ANK2: variants seen among roughly 807,000 people sequenced by gnomAD.
ANK2 encodes ankyrin 2.
Under a neutral mutation model 360.5 loss-of-function variants are expected in ANK2, and 83 were observed. That is an observed-to-expected ratio of 0.23 (90% CI 0.19 to 0.28). The LOEUF is 0.28. ANK2 is among the 10% of genes least tolerant of loss of function. The pLI, the probability that ANK2 is intolerant of heterozygous loss-of-function variation, is 1.00. For synonymous variants in ANK2, 1,740 were observed against 1,759.5 expected (o/e 0.99, Z 0.28); for missense variants, 4,201 against 4,795.7 (o/e 0.88, Z 3.66).
intron 23 of ANK2, among the ~76,000 whole-genome samples, chr4:113,306,426 C>T (rs897807193): frequency 1.3e-5 from 2 of 152,156 alleles, no homozygotes; most frequent in African/African-American, 4.8e-5. Flanking sequence ...ACATACCAGG[C>T]TCAGTTGTGG....
chr4:113,023,561 T>C (rs2058626751), intron 2 of ANK2, among the ~76,000 whole-genome samples: 1 of 152,274 alleles, frequency 6.6e-6, no homozygotes. Flanking sequence ...AGAGGTATTG[T>C]GTCTGACCAC....
the ANK2 span, among the ~76,000 whole-genome samples, chr4:112,765,676 G>A: frequency 1.2e-4 from 11 of 88,110 alleles, no homozygotes; most frequent in East Asian, 2.2e-3. Context: ...TTTTTTTTCC[G>A]TTCAGGACTT....
chr4:112,825,414 C>G (rs771467145), intron 1 of ANK2, among the ~76,000 whole-genome samples: 2 of 152,124 alleles, frequency 1.3e-5, no homozygotes, highest in Non-Finnish European at 2.9e-5. Flanking sequence ...TCATTCAAGA[C>G]CCAGTATTAT....
chr4:113,367,521 A>G lies in ANK2; in HGVS notation c.11033-45A>G, dbSNP rs911980356. On this transcript the variant is annotated intron_variant, in intron 41 of 45. Coordinates refer to ENST00000357077, the MANE Select transcript of ANK2 (RefSeq NM_001148.6). The stretch of plus-strand genomic sequence containing the variant: ...TTATTACTTAATAAATATCCATTCA[A>G]TATAGGTAAGCTTCAACTAAATACT... 7.0e-6 allele frequency: 11 copies of G among 1,577,908 alleles called. No homozygotes were observed. The African/African-American group carries it at 9.5e-5, about 14-fold the overall frequency.
intron 1 of ANK2, among the ~76,000 whole-genome samples, chr4:113,144,521 C>A (rs1326138184): frequency 2.0e-5 from 3 of 151,814 alleles, no homozygotes; most frequent in African/African-American, 4.8e-5. Context: ...TTCTAAATAT[C>A]TTCCACATCC....
chr4:113,069,598 GA>G (rs1425326632), intron 1 of ANK2, among the ~76,000 whole-genome samples: 1 of 152,152 alleles, frequency 6.6e-6, no homozygotes, highest in African/African-American at 2.4e-5. Context: ...GCTACCAAAT[GA>G]AACTAAATAG....
chr4:112,861,041 T>C (rs2067836260), intron 1 of ANK2, among the ~76,000 whole-genome samples: 1 of 152,204 alleles, frequency 6.6e-6, no homozygotes, highest in Non-Finnish European at 1.5e-5. Flanking sequence ...AGAAGAACTA[T>C]GCTTTGCTGA....
chr4:113,076,608 A>G (rs891364320), intron 1 of ANK2, among the ~76,000 whole-genome samples: 9 of 152,030 alleles, frequency 5.9e-5, no homozygotes, highest in Non-Finnish European at 1.2e-4. Flanking sequence ...CCAGCCTGGG[A>G]AGCATAACGA....
At chr4:112,991,857 T>A (rs2046948911) in intron 2 of ANK2, among the ~76,000 whole-genome samples, 1 of 151,972 alleles carries the variant, frequency 6.6e-6, no homozygotes, top group Non-Finnish European at 1.5e-5. Flanking sequence ...AAGTTTTTTT[T>A]TTTCCACTAT....
rs761925962 is a variant in ANK2 at position 113,278,546 on chromosome 4, T to A, written c.1869T>A (p.His623Gln). 4 of 1,613,830 alleles carry A rather than the reference T, an allele frequency of 2.5e-6. No homozygotes were observed. In the South Asian group the frequency reaches 4.4e-5, roughly 18 times the overall value. The change falls in exon 17 of 46, where the codon CAT becomes CAA. Residue 623 changes from histidine to glutamine, a missense_variant. Around this residue, in one of 4 missense-constraint regions of ANK2, gnomAD observed 1,268 missense variants for 1,650.8 expected, o/e 0.77. Transcript: ENST00000357077. ...LLLLEKGASP[H>Q]ATAKNGYTPL... ...TACTGGAGAAGGGTGCTTCCCCTCA[T>A]GCCACTGCCAAGGTGAGGACCACAG...
chr4:113,090,525 G>A (rs1233756048), intron 1 of ANK2, among the ~76,000 whole-genome samples: 2 of 152,082 alleles, frequency 1.3e-5, no homozygotes, highest in Non-Finnish European at 2.9e-5. Context: ...AAGATTAAAA[G>A]CTTTGAGTTT....
Position 112,920,415 on chromosome 4 carries a change from CA to C in ANK2, c.21+15907del, listed in dbSNP as rs554496731. Among the ~76,000 whole-genome samples, 14 of 152,008 alleles carry C rather than the reference CA, an allele frequency of 9.2e-5. 1 individual carries two copies. The highest frequency in any genetic ancestry group is 9.2e-4 in the Admixed American group (14 of 15,264). On this transcript the variant is annotated intron_variant, in intron 2 of 30. Transcript: ENST00000503271. ...TAGCCAAATAAAGTGTGTTTTCTAT[CA>C]AAAAACCAGTTAGGAAATAATAAAT...
chr4:112,852,627 A>G (rs1375630471), intron 1 of ANK2, among the ~76,000 whole-genome samples: 6 of 152,226 alleles, frequency 3.9e-5, no homozygotes, highest in Admixed American at 3.9e-4. Context: ...AAAAACAACA[A>G]ACATTTCTTC....
chr4:112,904,407 T>C, intron 1 of ANK2: 2 of 1,103,340 alleles, frequency 1.8e-6, no homozygotes, highest in South Asian at 3.3e-5. Flanking sequence ...TAATGATAAA[T>C]TGAAATGATT....
the ANK2 span, among the ~76,000 whole-genome samples, chr4:112,809,510 G>A: frequency 6.9e-6 from 1 of 144,274 alleles, no homozygotes; most frequent in Non-Finnish European, 1.5e-5. Context: ...GCAGTGAGCC[G>A]AGATCTCGCC....
chr4:112,768,256 T>C, the ANK2 span, among the ~76,000 whole-genome samples: 1 of 152,298 alleles, frequency 6.6e-6, no homozygotes, highest in South Asian at 2.1e-4. Context: ...CTTGGAATTG[T>C]CTTTTTCATT....
intron 4 of ANK2, among the ~76,000 whole-genome samples, chr4:113,217,934 T>A (rs2099105107): frequency 6.8e-6 from 1 of 147,512 alleles, no homozygotes; most frequent in African/African-American, 2.4e-5. Flanking sequence ...ATTGAGTATA[T>A]CACTTTTTGT....
chr4:113,006,927 T>C (rs1308249862), intron 2 of ANK2, among the ~76,000 whole-genome samples: 1 of 152,156 alleles, frequency 6.6e-6, no homozygotes, highest in Admixed American at 6.5e-5. Context: ...AATTTTGTAC[T>C]TTAAAAATTG....
At chr4:113,370,836 T>C (rs370259480) in intron 43 of ANK2, among the ~76,000 whole-genome samples, 21 of 152,276 alleles carry the variant, frequency 1.4e-4, no homozygotes, top group South Asian at 1.0e-3. Context: ...CAGAATTGAT[T>C]GGAGAGCTTG....
Sources: allele counts gnomAD v4.1 joint callset (sites outside exome capture counted in the v4.1 genomes callset), GRCh38; gene constraint gnomAD v4.1.1; regional missense constraint gnomAD v4.1.1; transcripts MANE v1.5; gene names NCBI Gene and HGNC (gene_info 2026-07-23, HGNC 2026-07-21).